PIN4: variants seen among roughly 807,000 people sequenced by gnomAD.
PIN4 encodes the protein peptidyl-prolyl cis-trans isomerase NIMA-interacting 4.
In PIN4, 3 loss-of-function variants were observed where a neutral mutation model predicts 8.3. The ratio of observed to expected loss-of-function variants is 0.36; its 90% CI spans 0.16 to 0.93. The LOEUF is 0.93. Among genes scored for constraint, PIN4 ranks in the 40% least tolerant of loss-of-function variants. The pLI, the probability that PIN4 is intolerant of heterozygous loss-of-function variation, is 0.44. For synonymous variants in PIN4, 18 were observed against 32.5 expected (o/e 0.55, Z 1.52); for missense variants, 75 against 100.6 (o/e 0.75, Z 1.09).
chrX:72,250,366 G>A (rs899224579), intron 3 of PIN4, among the ~76,000 whole-genome samples: 5 of 110,716 alleles, frequency 4.5e-5, no homozygotes, highest in African/African-American at 1.6e-4. Flanking sequence ...GGTGGCTAAG[G>A]TGAGAGAATC....
intron 3 of PIN4, chrX:72,208,227 G>T (rs2042832073): frequency 8.3e-7 from 1 of 1,209,792 alleles, no homozygotes; most frequent in African/African-American, 1.7e-5. Context: ...GTTCATCCTT[G>T]CTAGGACCAT....
intron 1 of PIN4, among the ~76,000 whole-genome samples, chrX:72,183,352 A>G (rs1329565012): frequency 9.0e-6 from 1 of 111,725 alleles, no homozygotes; most frequent in Admixed American, 9.5e-5. Flanking sequence ...AGGAGTCGCT[A>G]ACTTATAGAT....
chrX:72,191,626 A>T (rs2042734476), intron 2 of PIN4, among the ~76,000 whole-genome samples: 1 of 112,083 alleles, frequency 8.9e-6, no homozygotes, highest in Admixed American at 9.5e-5. Context: ...AGAAACACTC[A>T]TCTAGTCTCA....
At chrX:72,228,738 G>A (rs893977641) in intron 3 of PIN4, among the ~76,000 whole-genome samples, 11 of 110,450 alleles carry the variant, frequency 1.0e-4, no homozygotes, top group African/African-American at 3.6e-4. Context: ...AACCTTTTTC[G>A]CTTTTTGCTT....
chrX:72,187,278 A>C (rs566441886), intron 2 of PIN4, among the ~76,000 whole-genome samples: 1 of 112,276 alleles, frequency 8.9e-6, no homozygotes. Context: ...AAATCAGCAA[A>C]TAATTACTTG....
chrX:72,209,939 G>T (rs1039986191), intron 3 of PIN4, among the ~76,000 whole-genome samples: 2 of 110,535 alleles, frequency 1.8e-5, no homozygotes, highest in South Asian at 3.8e-4. Context: ...AACTCAAAAT[G>T]GATCATAGAT....
intron 3 of PIN4, chrX:72,204,865 A>T: frequency 2.5e-6 from 1 of 403,307 alleles, no homozygotes; most frequent in Non-Finnish European, 4.2e-6. Context: ...CAGACTATGG[A>T]GTGGGGGGCG....
intron 3 of PIN4, chrX:72,255,896 T>A (rs991133172): frequency 9.0e-6 from 1 of 111,347 alleles, no homozygotes; most frequent in African/African-American, 3.3e-5. Flanking sequence ...TCAGTCCTCC[T>A]AATTTGGTTC....
At position 72,197,769 on chromosome X, in the gene PIN4, C is replaced by T; in HGVS notation, c.*243C>T. ...TTCTCAAAGAGAAGTCAAGCAGACT[C>T]CCTTTAACCTGTATTCTCTTTCCTC... On this transcript the variant is annotated 3_prime_UTR_variant, in exon 4 of 4. Transcript: ENST00000373669. 4.6e-6 allele frequency: 4 copies of T among 878,669 alleles called. No individual in the cohort carries two copies. The highest frequency in any genetic ancestry group is 5.6e-6 in the Non-Finnish European group (4 of 715,794). 72.4% of individuals were successfully genotyped at this position (878,669 alleles called of 1,213,427 possible). A position where few individuals can be genotyped will look rare whatever the true frequency, so the allele number is the denominator to read the frequency against.
chrX:72,201,895 A>G (rs1454447041), downstream of PIN4, among the ~76,000 whole-genome samples: 1 of 112,807 alleles, frequency 8.9e-6, no homozygotes, highest in East Asian at 2.8e-4. Context: ...ATTTATTGAA[A>G]ACGAAACTAC....
chrX:72,229,737 A>T (rs1413125894), intron 3 of PIN4, among the ~76,000 whole-genome samples: 1 of 111,675 alleles, frequency 9.0e-6, no homozygotes. Flanking sequence ...ATATGTTAGA[A>T]AAGGAAGGGC....
chrX:72,240,891 G>A (rs1023573041), intron 3 of PIN4, among the ~76,000 whole-genome samples: 2 of 110,974 alleles, frequency 1.8e-5, no homozygotes, highest in African/African-American at 6.6e-5. Context: ...TTTATTAAGA[G>A]GCCTTTTAGT....
In PIN4 at chrX:72,181,772, A is replaced by G; in HGVS notation, c.-14A>G. On this transcript the variant is annotated 5_prime_UTR_variant, in exon 1 of 4. Coordinates refer to ENST00000373669, the MANE Select transcript of PIN4 (RefSeq NM_006223.4). The stretch of plus-strand genomic sequence containing the variant: ...CAACTGGAGCGGTTCAGCGTTCAAC[A>G]ACAAGCTTCCAAGATGCCGCCCAAA... 8.3e-7 allele frequency: 1 copy of G among 1,201,760 alleles called. No individual in the cohort carries two copies. Among genetic ancestry groups the G allele is most frequent in the African/African-American group, 1.7e-5 (1 of 57,681 alleles).
chrX:72,204,799 T>C (rs1602434663), intron 3 of PIN4: 1 of 279,248 alleles, frequency 3.6e-6, no homozygotes, highest in African/African-American at 2.8e-5. Context: ...TTATAGAATA[T>C]GCCTAAAATA....
intron 2 of PIN4, among the ~76,000 whole-genome samples, chrX:72,193,212 CT>C (rs2147572929): frequency 9.0e-6 from 1 of 111,693 alleles, no homozygotes; most frequent in South Asian, 3.7e-4. Flanking sequence ...ACGGTATCCC[CT>C]ATCTGTGACC....
At position 72,204,441 on chromosome X, in the gene PIN4, AGT is replaced by A. The variant is rs1386376252; in HGVS notation, c.312+7542_312+7543del. 2.7e-5 allele frequency among the ~76,000 whole-genome samples: 3 copies of A among 111,990 alleles called. No homozygotes were observed. In the Admixed American group the frequency reaches 2.9e-4, roughly 11 times the overall value. On this transcript the variant is annotated intron_variant, in intron 3 of 3. Transcript: ENST00000423432. Reference sequence around the variant, plus strand: ...TTTCTCTTGGGGATGCTGAGTAAACAGTGTGTTATACACCTTCATTTTGACTG... The same window carrying A: ...TTTCTCTTGGGGATGCTGAGTAAACAGTGTTATACACCTTCATTTTGACTG...
chrX:72,187,089 A>T (rs979606934), intron 2 of PIN4, among the ~76,000 whole-genome samples: 2 of 111,935 alleles, frequency 1.8e-5, no homozygotes, highest in African/African-American at 6.5e-5. Context: ...ATTAAGTTAG[A>T]TCTTCCCAGT....
chrX:72,241,817 C>CAAA (rs397953581), intron 3 of PIN4, among the ~76,000 whole-genome samples: 1 of 99,372 alleles, frequency 1.0e-5, no homozygotes, highest in African/African-American at 3.7e-5. Context: ...AACTCCGTCT[C>CAAA]AAAAAAAAAA....
At chrX:72,192,559 A>G (rs1169374684) in intron 2 of PIN4, among the ~76,000 whole-genome samples, 2 of 110,789 alleles carry the variant, frequency 1.8e-5, no homozygotes, top group Non-Finnish European at 3.8e-5. Context: ...TCCTACCTAT[A>G]TGGCCTTTCC....
Sources: allele counts gnomAD v4.1 joint callset (sites outside exome capture counted in the v4.1 genomes callset), GRCh38; gene constraint gnomAD v4.1.1; transcripts MANE v1.5; gene names NCBI Gene and HGNC (gene_info 2026-07-23, HGNC 2026-07-21).